DIO2: variants seen among roughly 807,000 people sequenced by gnomAD.
The protein encoded by DIO2 is type II iodothyronine deiodinase.
DIO2 carries 19 observed loss-of-function variants against 21.4 expected under a neutral mutation model. That is an observed-to-expected ratio of 0.89 (90% CI 0.62 to 1.30). The LOEUF (loss-of-function observed/expected upper bound fraction) is 1.30. DIO2 is among the 50% of genes most tolerant of loss of function. The pLI is 0.00. For synonymous variants in DIO2, 122 were observed against 132.9 expected (o/e 0.92, Z 0.57); for missense variants, 302 against 338.1 (o/e 0.89, Z 0.84).
rs1358183865 is a variant in DIO2, at chr14:80,201,185, A to G, written c.*1504T>C. 2 of 151,696 alleles carry G rather than the reference A, an allele frequency of 1.3e-5. No individual in the cohort carries two copies. Among genetic ancestry groups the G allele is most frequent in the African/African-American group, 4.8e-5 (2 of 41,390 alleles). 9.4% of individuals were successfully genotyped at this position (151,696 alleles called of 1,614,324 possible). On this transcript the variant is annotated 3_prime_UTR_variant, in exon 2 of 2. Coordinates refer to ENST00000438257, the MANE Select transcript of DIO2 (RefSeq NM_013989.5). ...ATATATTTTTTAAAATAGCATTATA[A>G]TCATATACTATAGGGACTTTAGATT...
intron 2 of DIO2, among the ~76,000 whole-genome samples, chr14:80,218,391 A>G (rs185413101): frequency 3.3e-5 from 5 of 152,276 alleles, no homozygotes; most frequent in African/African-American, 1.2e-4. Context: ...TCTTTGCCTA[A>G]AGAATAATAA....
At position 80,211,231 on chromosome 14, in the gene DIO2, C is replaced by A; in HGVS notation, c.222+20G>T. The A allele has an allele frequency of 1.2e-6, 2 of 1,600,016 alleles. No homozygotes were observed. The highest frequency in any genetic ancestry group is 8.5e-7 in the Non-Finnish European group (1 of 1,175,286). On this transcript the variant is annotated intron_variant, in intron 1 of 1. Coordinates refer to ENST00000438257, the MANE Select transcript of DIO2 (RefSeq NM_013989.5). ...CTGCCCCTGTAGACCTAGGGAGAAG[C>A]CCTTCTCAGCTCAGCTCACCTGTTT...
At chr14:80,210,700 C>A (rs996415681) in intron 1 of DIO2, among the ~76,000 whole-genome samples, 2 of 152,150 alleles carry the variant, frequency 1.3e-5, no homozygotes, top group African/African-American at 4.8e-5. Context: ...TGCTTGCTTT[C>A]ATTAACTCTT....
chr14:80,205,008 A>T (rs1197101805), intron 1 of DIO2, among the ~76,000 whole-genome samples: 1 of 152,172 alleles, frequency 6.6e-6, no homozygotes, highest in Non-Finnish European at 1.5e-5. Context: ...CACAGAGAAA[A>T]TTATTTTACT....
Position 80,203,630 on chromosome 14 carries a change from T to C in DIO2, c.223-342A>G, listed in dbSNP as rs540630734. 2.6e-5 allele frequency among the ~76,000 whole-genome samples: 4 copies of C among 152,342 alleles called. No homozygotes were observed. The East Asian group carries it at 7.7e-4, about 29-fold the overall frequency. On this transcript the variant is annotated intron_variant, in intron 1 of 1. Transcript: ENST00000438257. The stretch of plus-strand genomic sequence containing the variant: ...TTTTGCTGTCAATTCTTAACATGCA[T>C]TCTATAACAAATGATTAATTGACTT...
intron 2 of DIO2, among the ~76,000 whole-genome samples, chr14:80,229,399 A>G (rs1405214567): frequency 6.6e-6 from 1 of 152,138 alleles, no homozygotes; most frequent in East Asian, 1.9e-4. Context: ...CTTAAATTTT[A>G]TAGTTGAGTG....
At position 80,198,786 on chromosome 14, in the gene DIO2, A is replaced by C. The variant is rs1046085388; in HGVS notation, c.*3903T>G. 3.3e-5 allele frequency: 5 copies of C among 152,042 alleles called. No homozygotes were observed. The highest frequency in any genetic ancestry group is 7.4e-5 in the Non-Finnish European group (5 of 68,022). The allele number at this position is 152,042 out of a possible 1,614,324, so 9.4% of individuals were successfully genotyped here. On this transcript the variant is annotated 3_prime_UTR_variant, in exon 2 of 2. Transcript: ENST00000438257. ...ACCATTTAGGGAAAAAAAAAAAAAA[A>C]AAAAAACCTCCTAAAATTAAAAGCC...
At chr14:80,225,666 T>C (rs1888561153) in intron 2 of DIO2, among the ~76,000 whole-genome samples, 1 of 152,150 alleles carries the variant, frequency 6.6e-6, no homozygotes, top group East Asian at 1.9e-4. Context: ...CAGCAGGTCG[T>C]GGGTTTTTTT....
chr14:80,222,085 C>T (rs1462952029), intron 2 of DIO2, among the ~76,000 whole-genome samples: 1 of 152,144 alleles, frequency 6.6e-6, no homozygotes, highest in Non-Finnish European at 1.5e-5. Context: ...GCACTCTCTC[C>T]AACAGAGGTA....
At chr14:80,211,941 C>G (rs1888223325), upstream of DIO2, 1 of 149,766 alleles carries the variant, frequency 6.7e-6, no homozygotes, top group Non-Finnish European at 1.5e-5. Flanking sequence ...TGTCTCTATG[C>G]TCTTTAAACG....
intron 1 of DIO2, among the ~76,000 whole-genome samples, chr14:80,205,363 C>A (rs77699897): frequency 6.6e-6 from 1 of 152,058 alleles, no homozygotes; most frequent in Non-Finnish European, 1.5e-5. Flanking sequence ...CAGATTAGTC[C>A]GTTGTAGGGA....
Position 80,201,608 on chromosome 14 carries a change from A to G in DIO2, c.*1081T>C, listed in dbSNP as rs1887726726. The G allele has an allele frequency of 6.6e-6, 1 of 152,188 alleles. No individual in the cohort carries two copies. Among genetic ancestry groups the G allele is most frequent in the Non-Finnish European group, 1.5e-5 (1 of 68,068 alleles). The allele number at this position is 152,188 out of a possible 1,614,324, so 9.4% of individuals were successfully genotyped here. ...ACTTGGGCCACATAGAAATTGTAGG[A>G]ATGGGGAGGAAAAGACCAGCACCAC... On this transcript the variant is annotated 3_prime_UTR_variant, in exon 2 of 2. Transcript: ENST00000438257.
intron 1 of DIO2, among the ~76,000 whole-genome samples, chr14:80,210,667 A>G (rs940490841): frequency 1.3e-5 from 2 of 152,146 alleles, no homozygotes; most frequent in African/African-American, 2.4e-5. Context: ...ATTTGAATCA[A>G]TGTAGAGGAG....
upstream of DIO2, chr14:80,211,599 G>T: frequency 1.6e-6 from 1 of 626,266 alleles, no homozygotes; most frequent in Non-Finnish European, 2.7e-6. Flanking sequence ...GGGGAGAAGG[G>T]GAAAAAAAAC....
chr14:80,227,117 T>G (rs1888592302), intron 2 of DIO2, among the ~76,000 whole-genome samples: 1 of 152,174 alleles, frequency 6.6e-6, no homozygotes, highest in Non-Finnish European at 1.5e-5. Context: ...CCCCCAGTGA[T>G]GTCCTAGAAA....
At chr14:80,206,846 T>C in intron 1 of DIO2, among the ~76,000 whole-genome samples, 1 of 152,174 alleles carries the variant, frequency 6.6e-6, no homozygotes, top group East Asian at 1.9e-4. Context: ...AGGCATTTTT[T>C]ACTCTTGCGG....
chr14:80,204,108 G>C (rs1188776211), intron 1 of DIO2, among the ~76,000 whole-genome samples: 1 of 151,850 alleles, frequency 6.6e-6, no homozygotes, highest in Non-Finnish European at 1.5e-5. Context: ...CCTGAGCAAA[G>C]CTTTGCACTC....
chr14:80,226,996 A>T (rs1158402301), intron 2 of DIO2, among the ~76,000 whole-genome samples: 1 of 152,170 alleles, frequency 6.6e-6, no homozygotes, highest in African/African-American at 2.4e-5. Context: ...GCTACAGCCT[A>T]TGAATCAGTA....
At chr14:80,230,143 C>T (rs1016496627) in intron 2 of DIO2, among the ~76,000 whole-genome samples, 1 of 152,086 alleles carries the variant, frequency 6.6e-6, no homozygotes, top group African/African-American at 2.4e-5. Flanking sequence ...GGGGATGTGG[C>T]CACTACTGGG....
Sources: allele counts gnomAD v4.1 joint callset (sites outside exome capture counted in the v4.1 genomes callset), GRCh38; gene constraint gnomAD v4.1.1; transcripts MANE v1.5; gene names NCBI Gene and HGNC (gene_info 2026-07-23, HGNC 2026-07-21).